The following KIAA1958 variants were observed in gnomAD, a reference collection of about 807,000 sequenced individuals.
KIAA1958 encodes the protein uncharacterized protein KIAA1958.
Under a neutral mutation model 47.2 loss-of-function variants are expected in KIAA1958, and 14 were observed. The observed-to-expected ratio is 0.30, with a 90% CI of 0.20 to 0.46. The LOEUF (loss-of-function observed/expected upper bound fraction) is 0.46, where lower values mean the gene tolerates loss of function less well. Among genes scored for constraint, KIAA1958 ranks in the 20% least tolerant of loss-of-function variants. The probability of loss-of-function intolerance (pLI) is 1.00; values close to 1 mark genes in which losing one functional copy is unlikely to be tolerated. For missense variants in KIAA1958, 803 were observed against 909.2 expected, an observed-to-expected ratio of 0.88 and a Z score of 1.50; for synonymous variants, 354 against 353.3, an observed-to-expected ratio of 1.00 and a Z score of -0.02.
intron 1 of KIAA1958, among the ~76,000 whole-genome samples, chr9:112,549,964 G>A (rs570011724): frequency 4.6e-5 from 7 of 152,326 alleles, no homozygotes; most frequent in African/African-American, 1.7e-4. Flanking sequence ...TGAGTAGGAA[G>A]GTGTTTTGCC....
At position 112,590,645 on chromosome 9, in the gene KIAA1958, C is replaced by G. The variant is rs574970342; in HGVS notation, c.1171+15394C>G. 2.6e-5 allele frequency among the ~76,000 whole-genome samples: 4 copies of G among 152,266 alleles called. 1 individual carries two copies. In the South Asian group the frequency reaches 8.3e-4, roughly 32 times the overall value. ...GGATTACAGGCATGAGCCACAGCGC[C>G]GGGCCCAGACACCATTCTTTAACCT... On this transcript the variant is annotated intron_variant, in intron 2 of 3. Coordinates refer to ENST00000337530, the MANE Select transcript of KIAA1958 (RefSeq NM_133465.4).
chr9:112,563,574 C>G (rs968256425), intron 1 of KIAA1958, among the ~76,000 whole-genome samples: 19 of 150,110 alleles, frequency 1.3e-4, no homozygotes, highest in African/African-American at 4.7e-4. Context: ...AATCTTGTAT[C>G]CTTTACTTTG....
chr9:112,643,853 G>GA (rs1225612318), intron 2 of KIAA1958, among the ~76,000 whole-genome samples: 1 of 151,618 alleles, frequency 6.6e-6, no homozygotes, highest in Non-Finnish European at 1.5e-5. Flanking sequence ...ATTTCGAATT[G>GA]AAAAAAAAGA....
At chr9:112,554,219 G>C (rs1054677424) in intron 1 of KIAA1958, among the ~76,000 whole-genome samples, 2 of 152,136 alleles carry the variant, frequency 1.3e-5, no homozygotes, top group Non-Finnish European at 2.9e-5. Context: ...ATTAGAACAG[G>C]CTGGGTGCGG....
intron 3 of KIAA1958, among the ~76,000 whole-genome samples, chr9:112,656,366 C>A (rs1837150571): frequency 1.2e-5 from 1 of 83,634 alleles, no homozygotes; most frequent in Non-Finnish European, 2.1e-5. Context: ...GAGTGAGACT[C>A]TGTCTCAAAA....
At position 112,659,851 on chromosome 9, in the gene KIAA1958, C is replaced by A; in HGVS notation, c.1933C>A (p.Gln645Lys). The A allele has an allele frequency of 1.9e-6, 3 of 1,614,142 alleles. No homozygotes were observed. Among genetic ancestry groups the A allele is most frequent in the Non-Finnish European group, 2.5e-6 (3 of 1,180,016 alleles). ...KYMYIHRPPT[Q>K]MEAKSPFYLT... is the part of the protein sequence containing the mutation. ...CATGTACATCCACCGGCCGCCCACC[C>A]AAATGGAGGCCAAGTCCCCCTTCTA... Residue 645 changes from glutamine to lysine, a missense_variant, in exon 4 of 4, where the codon CAA (glutamine) becomes AAA (lysine). Transcript: ENST00000337530.
chr9:112,647,705 T>A (rs944409285), intron 3 of KIAA1958, among the ~76,000 whole-genome samples: 5 of 152,200 alleles, frequency 3.3e-5, no homozygotes, highest in Admixed American at 6.5e-5. Context: ...ACACAACATG[T>A]GAAACAATTC....
intron 1 of KIAA1958, among the ~76,000 whole-genome samples, chr9:112,531,075 T>C (rs1834743702): frequency 6.6e-6 from 1 of 152,228 alleles, no homozygotes; most frequent in Non-Finnish European, 1.5e-5. Flanking sequence ...ATAGTAATTT[T>C]TAGTCTAATT....
intron 2 of KIAA1958, among the ~76,000 whole-genome samples, chr9:112,619,853 G>A (rs1056562414): frequency 5.3e-5 from 8 of 152,018 alleles, no homozygotes; most frequent in Non-Finnish European, 1.2e-4. Context: ...AGCAGTAGTC[G>A]AGACAACAAA....
At chr9:112,497,209 C>T (rs1172041018) in intron 1 of KIAA1958, among the ~76,000 whole-genome samples, 2 of 152,100 alleles carry the variant, frequency 1.3e-5, no homozygotes. Context: ...AGTGTCCCTG[C>T]AAATTCATAT....
intron 2 of KIAA1958, among the ~76,000 whole-genome samples, chr9:112,584,151 C>T (rs1835783683): frequency 6.6e-6 from 1 of 152,148 alleles, no homozygotes; most frequent in South Asian, 2.1e-4. Flanking sequence ...GAACTTTACA[C>T]ACAACAGCCT....
Position 112,491,567 on chromosome 9 carries a change from G to GT in KIAA1958, c.-25+4459dup, listed in dbSNP as rs561694974. ...GCTGGTTTTTTTTTTTGTTTTTTTT[G>GT]TTTTTTTTTTCCTTAAGAAACCTGC... is the stretch of plus-strand genomic sequence containing the variant. On this transcript the variant is annotated intron_variant, in intron 1 of 3. Transcript: ENST00000337530. 2.3e-3 allele frequency among the ~76,000 whole-genome samples: 318 copies of GT among 137,600 alleles called. 5 individuals are homozygous for GT. The highest frequency in any genetic ancestry group is 3.7e-3 in the Middle Eastern group (1 of 270). The allele number at this position is 137,600 out of a possible 152,430, so 90.3% of individuals were successfully genotyped here. A position where few individuals can be genotyped will look rare whatever the true frequency, so the allele number is the denominator to read the frequency against.
rs546113189 is a variant in KIAA1958, at chr9:112,666,654, G to A, written c.*6585G>A. The A allele has an allele frequency of 2.8e-4, 43 of 152,322 alleles. 1 individual carries two copies. The highest frequency in any genetic ancestry group is 1.0e-3 in the African/African-American group (42 of 41,574). 9.4% of individuals were successfully genotyped at this position (152,322 alleles called of 1,614,324 possible). On this transcript the variant is annotated 3_prime_UTR_variant, in exon 4 of 4. Coordinates refer to ENST00000337530, the MANE Select transcript of KIAA1958 (RefSeq NM_133465.4). ...ATTGATGTAATTTATGAGGCATATG[G>A]AGGTAGCTTGGGGCAAAAGTTTCCA...
chr9:112,620,082 C>A (rs956618004), intron 2 of KIAA1958, among the ~76,000 whole-genome samples: 1 of 152,072 alleles, frequency 6.6e-6, no homozygotes, highest in Non-Finnish European at 1.5e-5. Flanking sequence ...AATATAAATG[C>A]GTTTATCTGT....
chr9:112,632,474 G>C (rs188582555), intron 2 of KIAA1958, among the ~76,000 whole-genome samples: 33 of 152,202 alleles, frequency 2.2e-4, no homozygotes, highest in African/African-American at 7.7e-4. Flanking sequence ...TACTGATGTA[G>C]ACATCATTCA....
At chr9:112,598,458 A>G (rs993144463) in intron 2 of KIAA1958, among the ~76,000 whole-genome samples, 2 of 152,220 alleles carry the variant, frequency 1.3e-5, no homozygotes, top group African/African-American at 2.4e-5. Flanking sequence ...CAGAAAGCTC[A>G]TACACTCAGG....
chr9:112,523,301 A>T (rs1834584208), intron 1 of KIAA1958, among the ~76,000 whole-genome samples: 1 of 152,098 alleles, frequency 6.6e-6, no homozygotes, highest in South Asian at 2.1e-4. Context: ...AAATACAAAA[A>T]TTAGCCGGGC....
intron 2 of KIAA1958, among the ~76,000 whole-genome samples, chr9:112,578,636 C>T (rs1835689151): frequency 1.3e-5 from 2 of 152,052 alleles, no homozygotes; most frequent in Admixed American, 1.3e-4. Context: ...GAGCTGAACT[C>T]ATAAAATTAT....
intron 2 of KIAA1958, among the ~76,000 whole-genome samples, chr9:112,639,573 C>G (rs541597165): frequency 6.6e-6 from 1 of 152,336 alleles, no homozygotes; most frequent in East Asian, 1.9e-4. Flanking sequence ...CCCCCTGCTG[C>G]ATGGATGCCC....
Sources: allele counts gnomAD v4.1 joint callset (sites outside exome capture counted in the v4.1 genomes callset), GRCh38; gene constraint gnomAD v4.1.1; transcripts MANE v1.5; gene names NCBI Gene and HGNC (gene_info 2026-07-23, HGNC 2026-07-21).